Variants in PGM2 observed in about 807,000 individuals in gnomAD.
The protein encoded by PGM2 is phosphoglucomutase 2.
A neutral mutation model predicts 74.6 loss-of-function variants in PGM2; 57 were observed. The observed-to-expected ratio is 0.76, with a 90% CI of 0.62 to 0.95. PGM2 has a LOEUF of 0.95. Among genes scored for constraint, PGM2 ranks in the 40% least tolerant of loss-of-function variants. The pLI, the probability that PGM2 is intolerant of heterozygous loss-of-function variation, is 0.00. For synonymous variants in PGM2, 273 were observed against 260.7 expected (o/e 1.05, Z -0.46); for missense variants, 706 against 741.9 (o/e 0.95, Z 0.56).
At chr4:37,860,546 G>C (rs1230573514) in intron 13 of PGM2, among the ~76,000 whole-genome samples, 1 of 152,222 alleles carries the variant, frequency 6.6e-6, no homozygotes, top group Non-Finnish European at 1.5e-5. Flanking sequence ...TGTCTACAAT[G>C]AAATGGATTG....
intron 1 of PGM2, among the ~76,000 whole-genome samples, chr4:37,829,198 G>A (rs1725373469): frequency 6.6e-6 from 1 of 151,354 alleles, no homozygotes; most frequent in African/African-American, 2.4e-5. Flanking sequence ...AAAAAAAATA[G>A]GGCAATGTAT....
chr4:37,846,240 T>G (rs1227714572), intron 8 of PGM2, among the ~76,000 whole-genome samples: 2 of 151,958 alleles, frequency 1.3e-5, no homozygotes, highest in African/African-American at 4.8e-5. Flanking sequence ...GGGGCTAAAG[T>G]TGAAAGGTAG....
intron 10 of PGM2, chr4:37,847,585 C>T (rs1337544283): frequency 2.7e-6 from 1 of 369,090 alleles, no homozygotes; most frequent in African/African-American, 2.1e-5. Context: ...TGTGATGTTT[C>T]CTCCACTGTG....
rs1711812950 is a variant in PGM2, at chr4:37,862,519, A to G, written c.*907A>G. The G allele has an allele frequency of 6.6e-6, 1 of 152,156 alleles. No individual in the cohort carries two copies. Among genetic ancestry groups the G allele is most frequent in the Non-Finnish European group, 1.5e-5 (1 of 68,034 alleles). The allele number at this position is 152,156 out of a possible 1,614,324, so 9.4% of individuals were successfully genotyped here. A position where few individuals can be genotyped will look rare whatever the true frequency, so the allele number is the denominator to read the frequency against. On this transcript the variant is annotated 3_prime_UTR_variant, in exon 14 of 14. Transcript: ENST00000381967. ...ATAGATTTCCTATAAGCCAATTTCT[A>G]ATAACAAATAGATTTATTATTTAAT...
chr4:37,852,897 TAG>T (rs1726091214), intron 12 of PGM2, among the ~76,000 whole-genome samples: 2 of 152,216 alleles, frequency 1.3e-5, no homozygotes, highest in Admixed American at 1.3e-4. Context: ...TCATTTATTT[TAG>T]TTCTGAGAAG....
chr4:37,839,771 G>A (rs1367260320), intron 4 of PGM2, 77 bp from the exon 5 acceptor site: 2 of 828,036 alleles, frequency 2.4e-6, no homozygotes, highest in African/African-American at 1.7e-5. Flanking sequence ...GGCATGAACA[G>A]TATAAAATAG....
rs1377043146 is a variant in PGM2 at position 37,826,763 on chromosome 4, G to A, written c.31G>A (p.Glu11Lys). 4 of 1,549,824 alleles carry A rather than the reference G, an allele frequency of 2.6e-6. No homozygotes were observed. Among genetic ancestry groups the A allele is most frequent in the East Asian group, 4.9e-5 (2 of 40,878 alleles). MAAPEGSGLG[E>K]DARLDQETAQ... ...GGCTCCAGAAGGCAGCGGTCTAGGC[G>A]AGGACGCCCGGCTGGACCAGGAGAC... Residue 11 changes from glutamate to lysine, a missense_variant, in exon 1 of 14, where the codon GAG becomes AAG. By Grantham distance (56) the Glu-to-Lys change is moderately conservative. Coordinates refer to ENST00000381967, the MANE Select transcript of PGM2 (RefSeq NM_018290.4).
intron 12 of PGM2, among the ~76,000 whole-genome samples, chr4:37,853,358 CCTTTTTT>C (rs1726104977): frequency 1.5e-5 from 1 of 64,680 alleles, no homozygotes; most frequent in Non-Finnish European, 3.0e-5. Flanking sequence ...GGGTGATATT[CCTTTTTT>C]TTTTTTTTTT....
At chr4:37,851,970 CT>C (rs1553886914) in intron 12 of PGM2, among the ~76,000 whole-genome samples, 5 of 134,992 alleles carry the variant, frequency 3.7e-5, no homozygotes, top group African/African-American at 8.1e-5. Context: ...TGTTTGTTTT[CT>C]TTTTTTTTGG....
rs1042578517 is a variant in PGM2 at position 37,862,712 on chromosome 4, A to T, written c.*1100A>T. ...CATTATGATTACACTCAACCTAAAT[A>T]GTTATGAACAGTTTCAGAACAATGA... On this transcript the variant is annotated 3_prime_UTR_variant, in exon 14 of 14. Coordinates refer to ENST00000381967, the MANE Select transcript of PGM2 (RefSeq NM_018290.4). 8 of 152,130 alleles carry T rather than the reference A, an allele frequency of 5.3e-5. No individual in the cohort carries two copies. Among genetic ancestry groups the T allele is most frequent in the African/African-American group, 1.9e-4 (8 of 41,442 alleles). The allele number at this position is 152,130 out of a possible 1,614,324, so 9.4% of individuals were successfully genotyped here. A position where few individuals can be genotyped will look rare whatever the true frequency, so the allele number is the denominator to read the frequency against.
intron 3 of PGM2, among the ~76,000 whole-genome samples, chr4:37,835,303 A>C (rs1725540572): frequency 1.3e-5 from 2 of 152,208 alleles, no homozygotes; most frequent in Admixed American, 1.3e-4. Context: ...AAGCCTAAGG[A>C]CACTAGTACC....
At chr4:37,846,908 T>C in intron 8 of PGM2, 23 bp from the exon 9 acceptor site, 2 of 1,477,364 alleles carry the variant, frequency 1.4e-6, no homozygotes, top group South Asian at 2.5e-5. Context: ...TGAATGGTGG[T>C]TGTTGTTTTT....
chr4:37,831,538 G>A (rs552987848), intron 2 of PGM2, among the ~76,000 whole-genome samples: 2 of 152,212 alleles, frequency 1.3e-5, no homozygotes, highest in Admixed American at 6.5e-5. Flanking sequence ...TCATTTGAAG[G>A]CACCTTCATT....
intron 11 of PGM2, 32 bp downstream of exon 11, chr4:37,848,683 T>C (rs928206186): frequency 4.0e-6 from 6 of 1,513,824 alleles, no homozygotes; most frequent in Non-Finnish European, 5.5e-6. Flanking sequence ...TGGATTGAAA[T>C]AATATTTTGA....
intron 12 of PGM2, among the ~76,000 whole-genome samples, chr4:37,854,420 G>A (rs190493602): frequency 5.3e-5 from 8 of 151,480 alleles, no homozygotes; most frequent in African/African-American, 1.2e-4. Flanking sequence ...GCGCAATCTC[G>A]GCTCACTGCA....
intron 4 of PGM2, 80 bp downstream of exon 4, chr4:37,837,693 T>C: frequency 1.2e-6 from 1 of 868,378 alleles, no homozygotes; most frequent in Non-Finnish European, 2.0e-6. Context: ...TCTTTAGGGC[T>C]ATTGGGATTG....
At chr4:37,849,310 G>T (rs2925943) in intron 11 of PGM2, among the ~76,000 whole-genome samples, 151,790 of 152,102 alleles carry the variant, frequency 1, 75,740 homozygotes, top group Middle Eastern at 1. Flanking sequence ...CATCCAAAGA[G>T]AATACAGAAA....
Position 37,844,401 on chromosome 4 carries a change from A to G in PGM2, c.757A>G (p.Thr253Ala). ...NRETKVKFVH[T>A]SVHGVGHSFV... ...GGAGACAAAGGTGAAGTTTGTGCAC[A>G]CCTCTGTCCATGGGGTGGGTCATAG... The change falls in exon 7 of 14, where the codon ACC (threonine) becomes GCC (alanine). Residue 253 changes from threonine to alanine, a missense_variant. Thr to Ala is a moderately conservative substitution (Grantham distance 58). Around this residue, in one of 3 missense-constraint regions of PGM2, gnomAD observed 332 missense variants for 334.9 expected, o/e 0.99. Transcript: ENST00000381967. 1 of 1,612,850 alleles carries G rather than the reference A, an allele frequency of 6.2e-7. No individual in the cohort carries two copies. Among genetic ancestry groups the G allele is most frequent in the Non-Finnish European group, 8.5e-7 (1 of 1,179,484 alleles).
intron 6 of PGM2, 111 bp from the exon 7 acceptor site, chr4:37,844,253 T>C (rs1193835107): frequency 1.5e-6 from 1 of 660,984 alleles, no homozygotes; most frequent in African/African-American, 1.8e-5. Context: ...TTTGTTTTTC[T>C]GAAATGGAAT....
Sources: allele counts gnomAD v4.1 joint callset (sites outside exome capture counted in the v4.1 genomes callset), GRCh38; gene constraint gnomAD v4.1.1; regional missense constraint gnomAD v4.1.1; transcripts MANE v1.5; gene names NCBI Gene and HGNC (gene_info 2026-07-23, HGNC 2026-07-21).